Variants in EXOC6B observed in about 807,000 individuals in gnomAD.
EXOC6B encodes the protein exocyst complex component 6B, also known as SEC15 homolog B.
EXOC6B carries 54 observed loss-of-function variants against 113.5 expected under a neutral mutation model. The observed-to-expected ratio is 0.48, with a 90% CI of 0.38 to 0.60. The LOEUF is 0.60. EXOC6B is among the 20% of genes least tolerant of loss of function. The probability of loss-of-function intolerance (pLI) is 0.00; values close to 1 mark genes in which losing one functional copy is unlikely to be tolerated. For synonymous variants in EXOC6B, 357 were observed against 339.0 expected (o/e 1.05, Z -0.58); for missense variants, 797 against 977.5 (o/e 0.82, Z 2.46).
chr2:72,661,446 C>G (rs773922474), intron 6 of EXOC6B, among the ~76,000 whole-genome samples: 2 of 147,772 alleles, frequency 1.4e-5, no homozygotes, highest in African/African-American at 2.5e-5. Context: ...ATATCAATAT[C>G]ATAAATATCA....
intron 1 of EXOC6B, among the ~76,000 whole-genome samples, chr2:72,772,011 A>G (rs1220822098): frequency 2.0e-5 from 3 of 152,198 alleles, no homozygotes; most frequent in Non-Finnish European, 4.4e-5. Context: ...GTACAAAAAT[A>G]TATTCAAAAG....
chr2:72,482,138 T>G (rs1182856458), intron 16 of EXOC6B, among the ~76,000 whole-genome samples: 2 of 152,192 alleles, frequency 1.3e-5, no homozygotes, highest in African/African-American at 4.8e-5. Context: ...ATATGGCAGC[T>G]CTGAAGTGCT....
chr2:72,537,398 G>A (rs1191620088), intron 8 of EXOC6B, among the ~76,000 whole-genome samples: 1 of 151,214 alleles, frequency 6.6e-6, no homozygotes, highest in African/African-American at 2.4e-5. Flanking sequence ...CTTTAACCCA[G>A]GAGTTCAAGA....
chr2:72,458,998 T>C (rs1352707558), intron 18 of EXOC6B, among the ~76,000 whole-genome samples: 2 of 152,054 alleles, frequency 1.3e-5, no homozygotes, highest in East Asian at 3.9e-4. Context: ...GCTGCAGATG[T>C]TTCAATTCAG....
chr2:72,791,160 T>C (rs758795372), intron 1 of EXOC6B, among the ~76,000 whole-genome samples: 1 of 152,176 alleles, frequency 6.6e-6, no homozygotes, highest in Non-Finnish European at 1.5e-5. Context: ...TGATAAACGT[T>C]TGAGATGATG....
At chr2:72,654,651 T>G (rs1027075374) in intron 6 of EXOC6B, among the ~76,000 whole-genome samples, 2 of 152,222 alleles carry the variant, frequency 1.3e-5, no homozygotes, top group Admixed American at 1.3e-4. Flanking sequence ...GAGGAATCTT[T>G]TCTTTCTTTT....
intron 20 of EXOC6B, among the ~76,000 whole-genome samples, chr2:72,282,291 T>C (rs754438308): frequency 2.6e-5 from 4 of 152,146 alleles, no homozygotes; most frequent in South Asian, 4.1e-4. Context: ...AATAAAAATG[T>C]AGGAATGGAA....
chr2:72,236,516 T>C (rs1285459810), intron 20 of EXOC6B, among the ~76,000 whole-genome samples: 2 of 152,148 alleles, frequency 1.3e-5, no homozygotes, highest in East Asian at 3.9e-4. Flanking sequence ...GCAAGACAGC[T>C]ACCAATAAAT....
At chr2:72,402,508 T>C (rs189764084) in intron 18 of EXOC6B, among the ~76,000 whole-genome samples, 27 of 152,344 alleles carry the variant, frequency 1.8e-4, no homozygotes, top group African/African-American at 6.5e-4. Context: ...AAAGAATCTG[T>C]CAGCATTTCT....
intron 8 of EXOC6B, chr2:72,515,403 G>A (rs1219932776): frequency 6.7e-6 from 8 of 1,189,750 alleles, no homozygotes; most frequent in African/African-American, 1.6e-5. Context: ...TGAATCAACT[G>A]TCTCAAATTC....
At chr2:72,256,254 C>A (rs1019043263) in intron 20 of EXOC6B, among the ~76,000 whole-genome samples, 8 of 152,112 alleles carry the variant, frequency 5.3e-5, no homozygotes, top group Non-Finnish European at 1.2e-4. Context: ...TTGACTGTGG[C>A]CTCCAGAACG....
chr2:72,770,810 AC>A (rs1471196321), intron 1 of EXOC6B, among the ~76,000 whole-genome samples: 1 of 152,176 alleles, frequency 6.6e-6, no homozygotes, highest in African/African-American at 2.4e-5. Context: ...AGTAAATATT[AC>A]CTTCAGAGAG....
chr2:72,813,834 T>C (rs1452784777), intron 1 of EXOC6B, among the ~76,000 whole-genome samples: 4 of 152,226 alleles, frequency 2.6e-5, no homozygotes, highest in African/African-American at 9.6e-5. Context: ...ACTGTGATGA[T>C]TCTTGCTCGT....
At chr2:72,635,629 T>C (rs1017294479) in intron 6 of EXOC6B, among the ~76,000 whole-genome samples, 1 of 152,042 alleles carries the variant, frequency 6.6e-6, no homozygotes, top group African/African-American at 2.4e-5. Flanking sequence ...CACCAAACAT[T>C]TTAAGAAGAA....
intron 8 of EXOC6B, among the ~76,000 whole-genome samples, chr2:72,526,409 G>C (rs1701748298): frequency 6.6e-6 from 1 of 151,714 alleles, no homozygotes; most frequent in Admixed American, 6.6e-5. Context: ...CAAAATCTGA[G>C]GCTCAAAGTA....
intron 12 of EXOC6B, among the ~76,000 whole-genome samples, chr2:72,499,184 T>C (rs1227830383): frequency 6.6e-6 from 1 of 150,430 alleles, no homozygotes; most frequent in African/African-American, 2.4e-5. Flanking sequence ...AGGAAAATAA[T>C]AAACCCAACT....
intron 11 of EXOC6B, among the ~76,000 whole-genome samples, chr2:72,512,556 C>T (rs1700993137): frequency 6.6e-6 from 1 of 151,934 alleles, no homozygotes; most frequent in Non-Finnish European, 1.5e-5. Context: ...GGGAACAGAA[C>T]ATTGGGCAGC....
At chr2:72,720,415 G>A (rs1679918055) in intron 5 of EXOC6B, among the ~76,000 whole-genome samples, 1 of 151,992 alleles carries the variant, frequency 6.6e-6, no homozygotes, top group Non-Finnish European at 1.5e-5. Flanking sequence ...ATACAAATAG[G>A]TTGAAAGTAA....
At chr2:72,225,927 A>G (rs1274297044) in intron 20 of EXOC6B, among the ~76,000 whole-genome samples, 1 of 152,200 alleles carries the variant, frequency 6.6e-6, no homozygotes, top group African/African-American at 2.4e-5. Context: ...GGATCAAAAG[A>G]CATGCACATC....
Sources: gnomAD v4.1 joint callset for allele counts (sites outside exome capture counted in the v4.1 genomes callset) on GRCh38, gnomAD v4.1.1 for gene constraint, MANE v1.5 for transcripts, NCBI Gene and HGNC (gene_info 2026-07-23, HGNC 2026-07-21) for gene names.